The following HAPLN1 variants were observed in gnomAD, a reference collection of about 807,000 sequenced individuals.
HAPLN1 encodes the protein hyaluronan and proteoglycan link protein 1.
In HAPLN1, 13 loss-of-function variants were observed where a neutral mutation model predicts 36.5. The ratio of observed to expected loss-of-function variants is 0.36; its 90% CI spans 0.23 to 0.57. The LOEUF (loss-of-function observed/expected upper bound fraction) is 0.57. Ranked by LOEUF, HAPLN1 falls within the 20% of genes least tolerant of loss-of-function variation. The probability of loss-of-function intolerance (pLI) is 0.83; values close to 1 mark genes in which losing one functional copy is unlikely to be tolerated. For missense variants in HAPLN1, 407 were observed against 439.7 expected, an observed-to-expected ratio of 0.93 and a Z score of 0.66; for synonymous variants, 202 against 169.8, an observed-to-expected ratio of 1.19 and a Z score of -1.48.
At chr5:83,687,288 C>T (rs568106067) in intron 1 of HAPLN1, among the ~76,000 whole-genome samples, 2 of 152,324 alleles carry the variant, frequency 1.3e-5, no homozygotes, top group South Asian at 2.1e-4. Context: ...GAGGAGAATA[C>T]AGTAGTCTTC....
At chr5:83,705,783 G>A (rs184537190) in intron 1 of HAPLN1, among the ~76,000 whole-genome samples, 2 of 152,108 alleles carry the variant, frequency 1.3e-5, no homozygotes, top group African/African-American at 4.8e-5. Context: ...AACAAATCCA[G>A]GAGTTGGTTT....
intron 4 of HAPLN1, 51 bp downstream of exon 4, chr5:83,644,312 T>C (rs1182481175): frequency 3.8e-6 from 5 of 1,321,068 alleles, no homozygotes; most frequent in African/African-American, 3.0e-5. Context: ...AGTGTTATAG[T>C]ATGGAATAGT....
intron 1 of HAPLN1, among the ~76,000 whole-genome samples, chr5:83,677,191 A>T (rs1750879969): frequency 6.6e-6 from 1 of 152,180 alleles, no homozygotes; most frequent in Non-Finnish European, 1.5e-5. Context: ...TTCTCAGAAC[A>T]ACTCAATTGA....
chr5:83,716,921 A>C (rs749131139), intron 1 of HAPLN1, among the ~76,000 whole-genome samples: 2 of 152,022 alleles, frequency 1.3e-5, no homozygotes, highest in Non-Finnish European at 2.9e-5. Context: ...AGTCCCAGCT[A>C]CTCGAGAGGC....
At chr5:83,710,446 G>T (rs1195764719) in intron 1 of HAPLN1, among the ~76,000 whole-genome samples, 1 of 152,140 alleles carries the variant, frequency 6.6e-6, no homozygotes, top group Non-Finnish European at 1.5e-5. Flanking sequence ...TGACCTTGCT[G>T]AGGAGCATTT....
intron 1 of HAPLN1, 40 bp from the exon 2 acceptor site, chr5:83,673,589 G>A: frequency 1.7e-6 from 2 of 1,184,884 alleles, no homozygotes; most frequent in South Asian, 1.2e-5. Flanking sequence ...GTGAGATTTG[G>A]AACCCTTTGG....
chr5:83,662,760 C>A (rs1216365283), intron 2 of HAPLN1, among the ~76,000 whole-genome samples: 4 of 152,158 alleles, frequency 2.6e-5, no homozygotes, highest in Non-Finnish European at 5.9e-5. Flanking sequence ...GCATAGAGCT[C>A]AACTCTACTT....
At chr5:83,645,199 GTTTTATGTAGTC>G (rs761487458) in intron 3 of HAPLN1, among the ~76,000 whole-genome samples, 33 of 152,126 alleles carry the variant, frequency 2.2e-4, no homozygotes, top group Non-Finnish European at 4.3e-4. Flanking sequence ...TTAGTAATTA[GTTTTATGTAGTC>G]TTTTAAATGT....
At chr5:83,659,614 G>A (rs1750325718) in intron 2 of HAPLN1, among the ~76,000 whole-genome samples, 1 of 152,008 alleles carries the variant, frequency 6.6e-6, no homozygotes, top group South Asian at 2.1e-4. Flanking sequence ...TAGAAGTTGA[G>A]GGAATTTAAC....
chr5:83,692,533 A>T (rs1049251034), intron 1 of HAPLN1, among the ~76,000 whole-genome samples: 1 of 151,928 alleles, frequency 6.6e-6, no homozygotes, highest in Non-Finnish European at 1.5e-5. Context: ...CTCTGCAAAA[A>T]TATGTCTCAT....
At chr5:83,688,669 T>TTTTTTTTTA (rs1751198659) in intron 1 of HAPLN1, among the ~76,000 whole-genome samples, 1 of 123,240 alleles carries the variant, frequency 8.1e-6, no homozygotes, top group Admixed American at 8.1e-5. Context: ...TTTTTTTTTT[T>TTTTTTTTTA]TTCACTTTGG....
chr5:83,656,082 C>T (rs1463425724), intron 2 of HAPLN1, among the ~76,000 whole-genome samples: 2 of 152,164 alleles, frequency 1.3e-5, no homozygotes, highest in African/African-American at 4.8e-5. Context: ...AATCCCAGCA[C>T]TTTGGGAGGC....
At chr5:83,663,218 T>C (rs1750459185) in intron 2 of HAPLN1, among the ~76,000 whole-genome samples, 1 of 152,152 alleles carries the variant, frequency 6.6e-6, no homozygotes, top group Non-Finnish European at 1.5e-5. Flanking sequence ...GGCTGAAAAA[T>C]AGCAGGCCTT....
intron 1 of HAPLN1, among the ~76,000 whole-genome samples, chr5:83,706,216 C>T (rs142574203): frequency 1.1e-3 from 171 of 152,098 alleles, no homozygotes; most frequent in African/African-American, 4.0e-3. Context: ...GGGACTCCTC[C>T]CCAACTCATT....
At chr5:83,700,247 A>G (rs1359744094) in intron 1 of HAPLN1, among the ~76,000 whole-genome samples, 2 of 151,832 alleles carry the variant, frequency 1.3e-5, no homozygotes, top group Non-Finnish European at 2.9e-5. Flanking sequence ...CAAAAATTAC[A>G]TGTATCTACT....
chr5:83,648,740 C>T (rs1749960509), intron 3 of HAPLN1, among the ~76,000 whole-genome samples: 1 of 151,870 alleles, frequency 6.6e-6, no homozygotes, highest in Non-Finnish European at 1.5e-5. Flanking sequence ...AGTTTGAGTA[C>T]CACTGCCTGA....
chr5:83,648,547 TACATGAAG>T (rs2112560965), intron 3 of HAPLN1, among the ~76,000 whole-genome samples: 1 of 150,786 alleles, frequency 6.6e-6, no homozygotes, highest in African/African-American at 2.5e-5. Context: ...TAATTTAGGC[TACATGAAG>T]AATTTTTTTT....
chr5:83,705,510 A>C lies in HAPLN1; in HGVS notation c.-27+15279T>G, dbSNP rs1751622606. ...AATAATGCATAAGGCAGAAATCATT[A>C]AGTTCTTTGAAACTAATAACAACAA... On this transcript the variant is annotated intron_variant, in intron 1 of 4. Coordinates refer to ENST00000274341, the MANE Select transcript of HAPLN1 (RefSeq NM_001884.4). Among the ~76,000 whole-genome samples, 3 of 152,184 alleles carry C rather than the reference A, an allele frequency of 2.0e-5. No individual in the cohort carries two copies. In the South Asian group the frequency reaches 6.2e-4, roughly 32 times the overall value.
intron 2 of HAPLN1, among the ~76,000 whole-genome samples, chr5:83,669,516 T>A (rs961957044): frequency 4.6e-5 from 7 of 151,960 alleles, no homozygotes; most frequent in Non-Finnish European, 8.8e-5. Flanking sequence ...AATAAATAAA[T>A]AAAAATTAAA....
Sources: allele counts gnomAD v4.1 joint callset (sites outside exome capture counted in the v4.1 genomes callset), GRCh38; gene constraint gnomAD v4.1.1; transcripts MANE v1.5; gene names NCBI Gene and HGNC (gene_info 2026-07-23, HGNC 2026-07-21).